Variants in XPR1 observed in about 807,000 individuals in gnomAD.
XPR1 encodes the protein xenotropic and polytropic retrovirus receptor 1, also known as solute carrier family 53 member 1.
A neutral mutation model predicts 87.5 loss-of-function variants in XPR1; 28 were observed. The ratio of observed to expected loss-of-function variants is 0.32; its 90% CI spans 0.24 to 0.44. XPR1 has a LOEUF of 0.44. Among genes scored for constraint, XPR1 ranks in the 20% least tolerant of loss-of-function variants. The probability of loss-of-function intolerance (pLI) is 1.00; values close to 1 mark genes in which losing one functional copy is unlikely to be tolerated. For synonymous variants in XPR1, 300 were observed against 306.1 expected (o/e 0.98, Z 0.21); for missense variants, 559 against 862.3 (o/e 0.65, Z 4.41).
intron 1 of XPR1, among the ~76,000 whole-genome samples, chr1:180,676,352 G>A (rs971404371): frequency 6.6e-5 from 10 of 152,082 alleles, no homozygotes; most frequent in African/African-American, 2.4e-4. Context: ...CCAAGAAGTG[G>A]AAGAACTTCA....
chr1:180,727,593 G>A (rs1009578831), intron 2 of XPR1, among the ~76,000 whole-genome samples: 1 of 152,100 alleles, frequency 6.6e-6, no homozygotes, highest in Admixed American at 6.5e-5. Context: ...GCAGTGAGCC[G>A]AGATCGCACC....
chr1:180,779,825 G>A (rs1357358008), intron 2 of XPR1, among the ~76,000 whole-genome samples: 3 of 151,654 alleles, frequency 2.0e-5, no homozygotes, highest in Non-Finnish European at 4.4e-5. Context: ...ATCCCTCCCC[G>A]CTCCTCCTAC....
intron 1 of XPR1, among the ~76,000 whole-genome samples, chr1:180,667,236 T>C (rs1655994079): frequency 6.6e-6 from 1 of 152,212 alleles, no homozygotes; most frequent in Non-Finnish European, 1.5e-5. Flanking sequence ...TCACCATTCA[T>C]TGTGGGTTTT....
chr1:180,659,692 T>C (rs1655697963), intron 1 of XPR1, among the ~76,000 whole-genome samples: 1 of 150,452 alleles, frequency 6.6e-6, no homozygotes, highest in Admixed American at 6.7e-5. Context: ...CTAATTTTTG[T>C]ATTTTTAGTA....
chr1:180,836,018 C>T lies in XPR1; in HGVS notation c.1307-504C>T, dbSNP rs117520534. Among the ~76,000 whole-genome samples, 29 of 152,182 alleles carry T rather than the reference C, an allele frequency of 1.9e-4. No individual in the cohort carries two copies. The East Asian group carries it at 5.2e-3, about 27-fold the overall frequency. On this transcript the variant is annotated intron_variant, in intron 10 of 14. Transcript: ENST00000367590. ...GAGAGCAAATTTCCCCACTAGTTCCCCCACAACATATTTTACCTTCTCTCC... is the reference window on the plus strand; with the variant it reads ...GAGAGCAAATTTCCCCACTAGTTCCTCCACAACATATTTTACCTTCTCTCC...
chr1:180,683,359 C>G (rs572863141), intron 2 of XPR1, among the ~76,000 whole-genome samples: 1 of 150,696 alleles, frequency 6.6e-6, no homozygotes, highest in Admixed American at 6.6e-5. Flanking sequence ...TTAATCCAGT[C>G]TATTGTTGTT....
chr1:180,786,654 C>G (rs1212925547), intron 2 of XPR1, among the ~76,000 whole-genome samples: 4 of 152,132 alleles, frequency 2.6e-5, no homozygotes, highest in Non-Finnish European at 5.9e-5. Context: ...CCTGCAGAAA[C>G]ATGTATTGAT....
intron 2 of XPR1, among the ~76,000 whole-genome samples, chr1:180,757,046 ATAT>A (rs1233254227): frequency 2.6e-5 from 4 of 152,176 alleles, no homozygotes; most frequent in Non-Finnish European, 5.9e-5. Context: ...TGCTATCATG[ATAT>A]TATAGCTTTA....
intron 3 of XPR1, among the ~76,000 whole-genome samples, chr1:180,790,563 G>A (rs1258734763): frequency 3.3e-5 from 5 of 151,944 alleles, no homozygotes; most frequent in South Asian, 2.1e-4. Context: ...TTTTTGAGAC[G>A]GAGTCTCACT....
chr1:180,867,147 A>C (rs1571906291), intron 12 of XPR1, among the ~76,000 whole-genome samples: 1 of 46,516 alleles, frequency 2.1e-5, no homozygotes, highest in Non-Finnish European at 4.1e-5. Context: ...TGAACTCATC[A>C]TTTTTTATGG....
chr1:180,768,941 A>G (rs888684871), intron 2 of XPR1, among the ~76,000 whole-genome samples: 1 of 152,222 alleles, frequency 6.6e-6, no homozygotes, highest in African/African-American at 2.4e-5. Flanking sequence ...AATTGAAAGA[A>G]CAGAATATTC....
intron 14 of XPR1, among the ~76,000 whole-genome samples, chr1:180,880,574 A>G (rs1206480530): frequency 2.6e-5 from 4 of 152,210 alleles, no homozygotes; most frequent in Non-Finnish European, 5.9e-5. Context: ...GTGATTTATT[A>G]ATACTTGACT....
chr1:180,806,180 A>G lies in XPR1; in HGVS notation c.566A>G (p.Lys189Arg). Residue 189 changes from lysine (K) to arginine (R), a missense_variant, in exon 5 of 15, where the codon AAG (lysine) becomes AGG (arginine). Transcript: ENST00000367590. ...GAGGTGGCCCCATTTTATACATGCA[A>G]GAAAATCAACCAGCTTATCTCTGAA... ...HVEVAPFYTC[K>R]KINQLISETE... The G allele has an allele frequency of 6.2e-7, 1 of 1,613,662 alleles. No individual in the cohort carries two copies. The highest frequency in any genetic ancestry group is 8.5e-7 in the Non-Finnish European group (1 of 1,179,682).
At position 180,632,113 on chromosome 1, in the gene XPR1, G is replaced by T. The variant is rs1482735626; in HGVS notation, c.-89G>T. ...GAGAAGCGCAGCGCCGCGCCGCGCC[G>T]GGGCCCATGTGGGGAGGAGTCGGAG... On this transcript the variant is annotated 5_prime_UTR_variant, in exon 1 of 15. Coordinates refer to ENST00000367590, the MANE Select transcript of XPR1 (RefSeq NM_004736.4). 2.0e-6 allele frequency: 3 copies of T among 1,483,052 alleles called. No individual in the cohort carries two copies. The highest frequency in any genetic ancestry group is 2.8e-6 in the Non-Finnish European group (3 of 1,085,130). The allele number at this position is 1,483,052 out of a possible 1,614,324, so 91.9% of individuals were successfully genotyped here. A position where few individuals can be genotyped will look rare whatever the true frequency, so the allele number is the denominator to read the frequency against.
In XPR1 at chr1:180,800,176, G is replaced by A. The variant is rs116413597; in HGVS notation, c.224-3212G>A. Among the ~76,000 whole-genome samples the A allele has an allele frequency of 5.8e-3, 881 of 152,246 alleles. 11 individuals carry two copies. The highest frequency in any genetic ancestry group is 0.019 in the African/African-American group (807 of 41,548). On this transcript the variant is annotated intron_variant, in intron 3 of 14. Transcript: ENST00000367590. ...TCTTGGAACTGAAAAAGGAATCATA[G>A]GATGAATCTGTGGACCAGCTGGGTC...
At chr1:180,676,287 G>C (rs1334819430) in intron 1 of XPR1, among the ~76,000 whole-genome samples, 2 of 152,168 alleles carry the variant, frequency 1.3e-5, no homozygotes, top group African/African-American at 4.8e-5. Flanking sequence ...AGTCATTGGT[G>C]ATGTATTTGG....
At chr1:180,735,051 A>G (rs1264096848) in intron 2 of XPR1, among the ~76,000 whole-genome samples, 1 of 152,252 alleles carries the variant, frequency 6.6e-6, no homozygotes, top group Admixed American at 6.5e-5. Flanking sequence ...ACTTACTCAT[A>G]GGAATTGGTC....
At chr1:180,704,324 T>G (rs1322058746) in intron 2 of XPR1, among the ~76,000 whole-genome samples, 1 of 145,560 alleles carries the variant, frequency 6.9e-6, no homozygotes, top group African/African-American at 2.5e-5. Flanking sequence ...TGCCTAACCC[T>G]AGATCTTTTA....
chr1:180,862,890 A>G (rs1191120703), intron 11 of XPR1, among the ~76,000 whole-genome samples: 3 of 152,104 alleles, frequency 2.0e-5, no homozygotes, highest in Non-Finnish European at 1.5e-5. Context: ...TAGCACACCT[A>G]GAGACATTTC....
Sources: allele counts gnomAD v4.1 joint callset (sites outside exome capture counted in the v4.1 genomes callset), GRCh38; gene constraint gnomAD v4.1.1; transcripts MANE v1.5; gene names NCBI Gene and HGNC (gene_info 2026-07-23, HGNC 2026-07-21).